Variants in UBQLN4 observed in about 807,000 individuals in gnomAD.
The protein encoded by UBQLN4 is ubiquilin-4.
In UBQLN4, 11 loss-of-function variants were observed where a neutral mutation model predicts 60.4. The ratio of observed to expected loss-of-function variants is 0.18; its 90% CI spans 0.11 to 0.30. UBQLN4 has a LOEUF of 0.30. UBQLN4 is among the 10% of genes least tolerant of loss of function. The probability of loss-of-function intolerance (pLI) is 1.00; values close to 1 mark genes in which losing one functional copy is unlikely to be tolerated. For missense variants in UBQLN4, 417 were observed against 795.5 expected (o/e 0.52, Z 5.72); for synonymous variants, 258 against 313.1 (o/e 0.82, Z 1.86).
chr1:156,042,944 A>T (rs757948573), intron 6 of UBQLN4, 31 bp from the exon 7 acceptor site: 2 of 1,609,588 alleles, frequency 1.2e-6, no homozygotes, highest in East Asian at 2.2e-5. Context: ...AGAAAACAGG[A>T]GAGAAAGGGT....
Position 156,036,532 on chromosome 1 carries a change from G to A in UBQLN4, c.*446C>T, listed in dbSNP as rs1251915308. The A allele has an allele frequency of 2.7e-5, 27 of 987,668 alleles. No individual in the cohort carries two copies. Among genetic ancestry groups the A allele is most frequent in the Non-Finnish European group, 3.2e-5 (27 of 831,244 alleles). 61.2% of individuals were successfully genotyped at this position (987,668 alleles called of 1,614,324 possible). A position where few individuals can be genotyped will look rare whatever the true frequency, so the allele number is the denominator to read the frequency against. ...GAAATTCTAGCATTGGTTGGGCTAG[G>A]GGTTGGGGGGTAGGGAGAAAAAGAA... On this transcript the variant is annotated 3_prime_UTR_variant, in exon 11 of 11. Transcript: ENST00000368309.
At chr1:156,051,436 C>G in intron 2 of UBQLN4, 109 bp from the exon 3 acceptor site, 1 of 1,338,844 alleles carries the variant, frequency 7.5e-7, no homozygotes, top group African/African-American at 1.4e-5. Context: ...CAAGACCCCT[C>G]CTGAGCAGTC....
downstream of UBQLN4, among the ~76,000 whole-genome samples, chr1:156,031,845 G>A (rs1390684765): frequency 1.3e-5 from 2 of 151,912 alleles, no homozygotes; most frequent in African/African-American, 4.8e-5. Flanking sequence ...TTAAATGCTA[G>A]CTGTTTTTTG....
downstream of UBQLN4, among the ~76,000 whole-genome samples, chr1:156,034,866 T>TATATATATAA (rs1683362785): frequency 9.4e-6 from 1 of 105,840 alleles, no homozygotes; most frequent in Non-Finnish European, 2.0e-5. Context: ...TATATATATA[T>TATATATATAA]ATATAATTTT....
Position 156,037,135 on chromosome 1 carries a change from AG to A in UBQLN4, c.1654-6del. The A allele has an allele frequency of 6.2e-7, 1 of 1,613,884 alleles. No individual in the cohort carries two copies. The highest frequency in any genetic ancestry group is 8.5e-7 in the Non-Finnish European group (1 of 1,179,882). ...TCTCACTTCTGGCGTCTGCACCTGGAGGGGACAGGCCTTGTGAAGTGGGCAC... is the reference window on the plus strand; with the variant it reads ...TCTCACTTCTGGCGTCTGCACCTGGAGGGACAGGCCTTGTGAAGTGGGCAC... On this transcript the variant is annotated splice_region_variant and splice_polypyrimidine_tract_variant and intron_variant, in intron 10 of 10. Coordinates refer to ENST00000368309, the MANE Select transcript of UBQLN4 (RefSeq NM_020131.5).
At chr1:156,039,001 A>C (rs1463888761) in intron 10 of UBQLN4, among the ~76,000 whole-genome samples, 1 of 151,822 alleles carries the variant, frequency 6.6e-6, no homozygotes, top group Non-Finnish European at 1.5e-5. Context: ...CATGTTGGCC[A>C]GGTGGGTTTT....
intron 2 of UBQLN4, 45 bp downstream of exon 2, chr1:156,051,661 G>C (rs1683874691): frequency 6.2e-7 from 1 of 1,609,634 alleles, no homozygotes; most frequent in Admixed American, 1.7e-5. Context: ...GTATCAGATG[G>C]GGAGGCCCAA....
At chr1:156,052,283 AC>A (rs1303523705) in intron 1 of UBQLN4, among the ~76,000 whole-genome samples, 1 of 152,224 alleles carries the variant, frequency 6.6e-6, no homozygotes, top group East Asian at 1.9e-4. Flanking sequence ...ATTGAGCACT[AC>A]CTATTCACCA....
chr1:156,042,536 G>A (rs537499604), intron 7 of UBQLN4: 5 of 1,097,926 alleles, frequency 4.6e-6, no homozygotes, highest in African/African-American at 3.2e-5. Context: ...AGCACTTAAC[G>A]TGTATTAACT....
At position 156,036,029 on chromosome 1, in the gene UBQLN4, G is replaced by A. The variant is rs577288220; in HGVS notation, c.*949C>T. 3.1e-5 allele frequency: 30 copies of A among 983,206 alleles called. No homozygotes were observed. The African/African-American group carries it at 4.5e-4, about 15-fold the overall frequency. 60.9% of individuals were successfully genotyped at this position (983,206 alleles called of 1,614,324 possible). On this transcript the variant is annotated 3_prime_UTR_variant, in exon 11 of 11. Coordinates refer to ENST00000368309, the MANE Select transcript of UBQLN4 (RefSeq NM_020131.5). ...AAGCAAGACCTGGGTCCATGGAAATGTGTGTGTGTGTGCATATAAGCACAT... is the reference window on the plus strand; with the variant it reads ...AAGCAAGACCTGGGTCCATGGAAATATGTGTGTGTGTGCATATAAGCACAT...
chr1:156,047,891 C>CAAAAA (rs749746724), intron 5 of UBQLN4, among the ~76,000 whole-genome samples: 2 of 39,998 alleles, frequency 5.0e-5, no homozygotes, highest in Non-Finnish European at 5.2e-5. Flanking sequence ...GACTCCATCT[C>CAAAAA]AAAAAAAAAA....
At position 156,041,480 on chromosome 1, in the gene UBQLN4, T is replaced by C; in HGVS notation, c.1653+5A>G. On this transcript the variant is annotated splice_donor_5th_base_variant and intron_variant, in intron 10 of 10. Coordinates refer to ENST00000368309, the MANE Select transcript of UBQLN4 (RefSeq NM_020131.5). ...CCCAGCACCTGCCCCCACTGCCTCA[T>C]GTACCTGTGAGTTTCCACTTCCAGC... is the stretch of plus-strand genomic sequence containing the variant. The C allele has an allele frequency of 5.7e-6, 9 of 1,581,188 alleles. No homozygotes were observed. Among genetic ancestry groups the C allele is most frequent in the Middle Eastern group, 2.3e-4 (1 of 4,354 alleles).
At chr1:156,046,217 G>A (rs1683694320) in intron 5 of UBQLN4, among the ~76,000 whole-genome samples, 1 of 151,630 alleles carries the variant, frequency 6.6e-6, no homozygotes, top group African/African-American at 2.4e-5. Flanking sequence ...GCCGGGCACG[G>A]TGGCTCACGC....
downstream of UBQLN4, chr1:156,033,374 GTTTTT>G (rs1015548444): frequency 3.5e-6 from 3 of 849,402 alleles, no homozygotes; most frequent in Non-Finnish European, 4.2e-6. Flanking sequence ...ATGATTCCAG[GTTTTT>G]TTTGTTTTGT....
downstream of UBQLN4, among the ~76,000 whole-genome samples, chr1:156,033,609 G>A (rs147815976): frequency 8.3e-3 from 1,258 of 152,200 alleles, 22 homozygotes; most frequent in African/African-American, 0.029. Context: ...TTGGGAGGCC[G>A]AGGCTGTCAG....
At chr1:156,033,121 A>G (rs1683323107), downstream of UBQLN4, 1 of 809,588 alleles carries the variant, frequency 1.2e-6, no homozygotes. Context: ...TGTTTTTGCC[A>G]ATACTTATGT....
chr1:156,036,292 C>T lies in UBQLN4; in HGVS notation c.*686G>A, dbSNP rs1422829026. ...CCCTTCCTCCGAATAATCTCATTCC[C>T]TCCTCTTTCACACGAATTTCCTCTG... is the stretch of plus-strand genomic sequence containing the variant. On this transcript the variant is annotated 3_prime_UTR_variant, in exon 11 of 11. Coordinates refer to ENST00000368309, the MANE Select transcript of UBQLN4 (RefSeq NM_020131.5). 2.0e-6 allele frequency: 2 copies of T among 985,532 alleles called. No homozygotes were observed. The highest frequency in any genetic ancestry group is 3.5e-5 in the African/African-American group (2 of 57,234). The allele number at this position is 985,532 out of a possible 1,614,324, so 61.0% of individuals were successfully genotyped here.
chr1:156,051,846 T>C lies in UBQLN4; in HGVS notation c.120A>G (p.Glu40=), dbSNP rs1323991912. 1 of 1,614,046 alleles carries C rather than the reference T, an allele frequency of 6.2e-7. No individual in the cohort carries two copies. The highest frequency in any genetic ancestry group is 8.5e-7 in the Non-Finnish European group (1 of 1,179,990). Residue 40 remains glutamate, a synonymous_variant, in exon 2 of 11, where the codon GAA becomes GAG. Coordinates refer to ENST00000368309, the MANE Select transcript of UBQLN4 (RefSeq NM_020131.5). ...GCTGAGCCTTAAACCTCCGGGAGAT[T>C]TCCTCTTTGAACTGTGATCAAGAGG... The part of the protein sequence containing the change: ...DRASVKEFKE[E]ISRRFKAQQD...
Position 156,048,753 on chromosome 1 carries a change from G to T in UBQLN4, c.742-94C>A. ...CTTGAGGAAGGGGGGTCTGTATCAG[G>T]ATCAGGACCAGGGCCCAGGAACTGC... On this transcript the variant is annotated intron_variant, in intron 4 of 10. Coordinates refer to ENST00000368309, the MANE Select transcript of UBQLN4 (RefSeq NM_020131.5). This position sits in a 1 kb window ranked among gnomAD's most constrained non-coding sequence, Gnocchi z 4.9. 1 of 1,412,308 alleles carries T rather than the reference G, an allele frequency of 7.1e-7. No individual in the cohort carries two copies. Among genetic ancestry groups the T allele is most frequent in the South Asian group, 1.3e-5 (1 of 74,748 alleles). 87.5% of individuals were successfully genotyped at this position (1,412,308 alleles called of 1,614,324 possible).
Sources: allele counts gnomAD v4.1 joint callset (sites outside exome capture counted in the v4.1 genomes callset), GRCh38; gene constraint gnomAD v4.1.1; non-coding constraint Gnocchi (gnomAD v3.1); transcripts MANE v1.5; gene names NCBI Gene and HGNC (gene_info 2026-07-23, HGNC 2026-07-21).